Variants in POLR1D observed in about 807,000 individuals in gnomAD.
POLR1D encodes the protein DNA-directed RNA polymerases I and III subunit RPAC2.
Under a neutral mutation model 10.8 loss-of-function variants are expected in POLR1D, and 8 were observed. The observed-to-expected ratio is 0.74, with a 90% CI of 0.43 to 1.33. The LOEUF (loss-of-function observed/expected upper bound fraction) is 1.33. POLR1D is among the 40% of genes most tolerant of loss of function. The pLI, the probability that POLR1D is intolerant of heterozygous loss-of-function variation, is 0.01. For missense variants in POLR1D, 152 were observed against 161.7 expected, an observed-to-expected ratio of 0.94 and a Z score of 0.32; for synonymous variants, 54 against 57.2, an observed-to-expected ratio of 0.94 and a Z score of 0.25.
intron 2 of POLR1D, among the ~76,000 whole-genome samples, chr13:27,653,924 T>C (rs141711904): frequency 0.011 from 1,650 of 152,310 alleles, 29 homozygotes; most frequent in African/African-American, 0.038. Context: ...TACAAAGATA[T>C]GTATTTTCAA....
chr13:27,638,178 C>A (rs1282803320), intron 1 of POLR1D, among the ~76,000 whole-genome samples: 2 of 152,116 alleles, frequency 1.3e-5, no homozygotes, highest in East Asian at 3.9e-4. Flanking sequence ...TGGGCTACAC[C>A]CTCTATTTCA....
At chr13:27,654,507 C>T (rs1956292552) in intron 2 of POLR1D, among the ~76,000 whole-genome samples, 1 of 152,206 alleles carries the variant, frequency 6.6e-6, no homozygotes, top group Admixed American at 6.5e-5. Flanking sequence ...CATCTGGAAG[C>T]TCCAGTTATA....
At chr13:27,641,187 T>C (rs1373169458) in intron 1 of POLR1D, among the ~76,000 whole-genome samples, 1 of 152,256 alleles carries the variant, frequency 6.6e-6, no homozygotes, top group Non-Finnish European at 1.5e-5. Context: ...AACCATACTT[T>C]CACATCTCAT....
At chr13:27,632,420 A>C (rs993338237) in intron 1 of POLR1D, among the ~76,000 whole-genome samples, 1 of 152,248 alleles carries the variant, frequency 6.6e-6, no homozygotes, top group Non-Finnish European at 1.5e-5. Context: ...ATTTACTACA[A>C]ATAGCATTGC....
At chr13:27,654,162 C>T (rs1477707941) in intron 2 of POLR1D, among the ~76,000 whole-genome samples, 1 of 152,222 alleles carries the variant, frequency 6.6e-6, no homozygotes, top group East Asian at 1.9e-4. Flanking sequence ...TTTGATACTA[C>T]ATCAGAACTT....
At chr13:27,666,242 C>A in exon 3 of POLR1D, 1 of 340,830 alleles carries the variant, frequency 2.9e-6, no homozygotes, top group Non-Finnish European at 5.3e-6. Flanking sequence ...ATAAACATGT[C>A]TAGAATTTAA....
chr13:27,647,520 G>C (rs1956231491), intron 1 of POLR1D, among the ~76,000 whole-genome samples: 1 of 151,958 alleles, frequency 6.6e-6, no homozygotes, highest in South Asian at 2.1e-4. Context: ...ACCACACCTA[G>C]CCGTCTCCAA....
At chr13:27,642,446 T>C (rs1430946232) in intron 1 of POLR1D, among the ~76,000 whole-genome samples, 1 of 152,234 alleles carries the variant, frequency 6.6e-6, no homozygotes, top group Admixed American at 6.5e-5. Flanking sequence ...ATTTTTTTCA[T>C]TACATTTATT....
intron 1 of POLR1D, among the ~76,000 whole-genome samples, chr13:27,647,512 C>T (rs1956231219): frequency 6.6e-6 from 1 of 152,044 alleles, no homozygotes; most frequent in African/African-American, 2.4e-5. Flanking sequence ...CATAAGCCAC[C>T]ACACCTAGCC....
chr13:27,654,506 GCTCCAGTT>G (rs1489035571), intron 2 of POLR1D, among the ~76,000 whole-genome samples: 1 of 152,210 alleles, frequency 6.6e-6, no homozygotes, highest in Non-Finnish European at 1.5e-5. Context: ...TCATCTGGAA[GCTCCAGTT>G]ATATATTGGC....
At chr13:27,661,436 G>A (rs968346147) in intron 2 of POLR1D, among the ~76,000 whole-genome samples, 29 of 152,186 alleles carry the variant, frequency 1.9e-4, no homozygotes, top group African/African-American at 3.6e-4. Flanking sequence ...TGAGAAAGTC[G>A]CCCCCCAGGT....
chr13:27,647,937 G>C (rs1210137724), intron 1 of POLR1D: 1 of 176,224 alleles, frequency 5.7e-6, no homozygotes, highest in East Asian at 1.6e-4. Context: ...CCCATTAGTA[G>C]AGAAGAAGTT....
chr13:27,630,960 C>T (rs930965548), intron 1 of POLR1D, among the ~76,000 whole-genome samples: 3 of 152,214 alleles, frequency 2.0e-5, no homozygotes, highest in African/African-American at 7.2e-5. Context: ...CTAACATTGC[C>T]ATTTCAGGGC....
intron 2 of POLR1D, chr13:27,650,156 G>A (rs1956253186): frequency 5.0e-6 from 2 of 397,586 alleles, no homozygotes; most frequent in Non-Finnish European, 8.9e-6. Context: ...GCATCAGTGT[G>A]TGATAATAAG....
At chr13:27,632,877 T>G (rs1230133663) in intron 1 of POLR1D, among the ~76,000 whole-genome samples, 1 of 152,134 alleles carries the variant, frequency 6.6e-6, no homozygotes, top group South Asian at 2.1e-4. Context: ...GTTCAAAAAA[T>G]GTTTATCAAA....
Position 27,658,337 on chromosome 13 carries a change from C to T in POLR1D, c.102-7349C>T, listed in dbSNP as rs1310388621. ...CCTCGGCCAGAGGCAGACAGCTCCTCTGCACTGAAATAGCACTTAGGTAGC... is the reference window on the plus strand; with the variant it reads ...CCTCGGCCAGAGGCAGACAGCTCCTTTGCACTGAAATAGCACTTAGGTAGC... On this transcript the variant is annotated intron_variant, in intron 2 of 2. Coordinates refer to the POLR1D transcript ENST00000399697. Among the ~76,000 whole-genome samples the T allele has an allele frequency of 3.3e-5, 5 of 152,372 alleles. No individual in the cohort carries two copies. The East Asian group carries it at 9.6e-4, about 29-fold the overall frequency.
At chr13:27,624,599 G>A (rs1028063113), downstream of POLR1D, among the ~76,000 whole-genome samples, 3 of 151,968 alleles carry the variant, frequency 2.0e-5, no homozygotes, top group African/African-American at 7.3e-5. Flanking sequence ...TGTTATAAGA[G>A]CCCCTTAAAA....
At chr13:27,633,762 A>T (rs1483695749) in intron 1 of POLR1D, among the ~76,000 whole-genome samples, 2 of 152,232 alleles carry the variant, frequency 1.3e-5, no homozygotes, top group Non-Finnish European at 2.9e-5. Context: ...GGATCACCCA[A>T]CATTGCGATC....
chr13:27,653,385 A>G (rs900755293), intron 2 of POLR1D, among the ~76,000 whole-genome samples: 1 of 152,198 alleles, frequency 6.6e-6, no homozygotes, highest in Non-Finnish European at 1.5e-5. Flanking sequence ...GCTTCTTCCC[A>G]GGTATAGGGA....
Sources: allele counts gnomAD v4.1 joint callset (sites outside exome capture counted in the v4.1 genomes callset), GRCh38; gene constraint gnomAD v4.1.1; transcripts MANE v1.5; gene names NCBI Gene and HGNC (gene_info 2026-07-23, HGNC 2026-07-21).